HIVEP3: variants seen among roughly 807,000 people sequenced by gnomAD.
HIVEP3 encodes transcription factor HIVEP3.
HIVEP3 carries 49 observed loss-of-function variants against 152.8 expected under a neutral mutation model. The observed-to-expected ratio is 0.32, with a 90% CI of 0.26 to 0.41. The LOEUF (loss-of-function observed/expected upper bound fraction) is 0.41. Among genes scored for constraint, HIVEP3 ranks in the 10% least tolerant of loss-of-function variants. The probability of loss-of-function intolerance (pLI) is 1.00; values close to 1 mark genes in which losing one functional copy is unlikely to be tolerated. For missense variants in HIVEP3, 2,790 were observed against 3,103.3 expected, an observed-to-expected ratio of 0.90 and a Z score of 2.40; for synonymous variants, 1,269 against 1,289.0, an observed-to-expected ratio of 0.98 and a Z score of 0.33.
At chr1:41,993,481 A>G (rs1474670335) in intron 1 of HIVEP3, among the ~76,000 whole-genome samples, 2 of 151,930 alleles carry the variant, frequency 1.3e-5, no homozygotes, top group East Asian at 1.9e-4. Flanking sequence ...AATGGCAATC[A>G]TTAAAAAGTC....
At chr1:41,518,785 A>C (rs1642678974) in intron 6 of HIVEP3, among the ~76,000 whole-genome samples, 1 of 152,086 alleles carries the variant, frequency 6.6e-6, no homozygotes, top group African/African-American at 2.4e-5. Context: ...AACAAACAAA[A>C]AAGAAATTAA....
chr1:41,780,238 G>A (rs369907890), intron 1 of HIVEP3, among the ~76,000 whole-genome samples: 25 of 150,696 alleles, frequency 1.7e-4, no homozygotes, highest in African/African-American at 6.1e-4. Flanking sequence ...AGTGAGGGGA[G>A]AGCTGGGCCA....
intron 1 of HIVEP3, among the ~76,000 whole-genome samples, chr1:41,708,989 G>A (rs1280082831): frequency 6.6e-6 from 1 of 152,144 alleles, no homozygotes; most frequent in African/African-American, 2.4e-5. Context: ...TTAGAGTTAA[G>A]GGAAGCCTTT....
chr1:41,923,632 A>T (rs531364107), upstream of HIVEP3, among the ~76,000 whole-genome samples: 12 of 152,310 alleles, frequency 7.9e-5, no homozygotes, highest in African/African-American at 2.4e-4. Context: ...AAAATAGCTA[A>T]AAGAGAAGAT....
At chr1:41,546,997 G>A (rs953053788) in intron 5 of HIVEP3, among the ~76,000 whole-genome samples, 4 of 152,190 alleles carry the variant, frequency 2.6e-5, no homozygotes, top group South Asian at 2.1e-4. Context: ...AGTGCTCATC[G>A]GGAGTGGTGG....
chr1:41,897,953 G>C (rs1278588317), intron 1 of HIVEP3, among the ~76,000 whole-genome samples: 1 of 144,806 alleles, frequency 6.9e-6, no homozygotes, highest in East Asian at 2.0e-4. Context: ...GAGAGAGAGA[G>C]AGAGAGAGAG....
At chr1:41,602,826 C>T (rs10890143) in intron 3 of HIVEP3, among the ~76,000 whole-genome samples, 51,005 of 151,652 alleles carry the variant, frequency 0.34, 11,414 homozygotes, top group African/African-American at 0.6. Context: ...ATTTGAGATC[C>T]TTCTTCTATT....
upstream of HIVEP3, among the ~76,000 whole-genome samples, chr1:41,920,044 G>A (rs1012790087): frequency 3.9e-5 from 6 of 152,130 alleles, no homozygotes; most frequent in African/African-American, 1.4e-4. Flanking sequence ...CAGGCAAACC[G>A]TGAAAACAAG....
chr1:41,512,887 C>G lies in HIVEP3; in HGVS notation c.6334G>C (p.Val2112Leu). 6.4e-7 allele frequency: 1 copy of G among 1,566,906 alleles called. No homozygotes were observed. The highest frequency in any genetic ancestry group is 8.7e-7 in the Non-Finnish European group (1 of 1,154,610). The change falls in exon 8 of 9, where the codon GTT becomes CTT. Residue 2112 changes from valine (V) to leucine (L), a missense_variant. Physicochemically the swap from Val to Leu is conservative, Grantham distance 32. Transcript: ENST00000372583. Reference protein sequence around the residue: ...HGPGLGLDPRVLFPPAPLPHK... With the variant: ...HGPGLGLDPRLLFPPAPLPHK... ...GGTAGAGGCGCGGGCGGGAAGAGAACCCGTGGGTCCAGCCCCAAGCCTGGG... is the reference window on the plus strand; with the variant it reads ...GGTAGAGGCGCGGGCGGGAAGAGAAGCCGTGGGTCCAGCCCCAAGCCTGGG...
chr1:41,941,938 T>C (rs1372711897), intron 1 of HIVEP3, among the ~76,000 whole-genome samples: 1 of 152,186 alleles, frequency 6.6e-6, no homozygotes, highest in African/African-American at 2.4e-5. Context: ...TTGTCATTCT[T>C]TTCTCAAGTA....
At chr1:41,855,801 G>C (rs1643749691) in intron 1 of HIVEP3, among the ~76,000 whole-genome samples, 1 of 152,218 alleles carries the variant, frequency 6.6e-6, no homozygotes. Flanking sequence ...GGGTGAAGCT[G>C]CTGGTTTAGG....
chr1:41,860,286 A>G (rs1453079945), intron 1 of HIVEP3, among the ~76,000 whole-genome samples: 1 of 152,172 alleles, frequency 6.6e-6, no homozygotes, highest in Non-Finnish European at 1.5e-5. Flanking sequence ...CAAGATGGAA[A>G]ACCTTCGTGG....
rs1644899307 is a variant in HIVEP3, at chr1:41,918,049, G to C, written c.-801+364C>G. Among the ~76,000 whole-genome samples, 1 of 152,204 alleles carries C rather than the reference G, an allele frequency of 6.6e-6. No individual in the cohort carries two copies. Among genetic ancestry groups the C allele is most frequent in the Admixed American group, 6.5e-5 (1 of 15,282 alleles). ...CCGGCCGCCAGTGCGCGGGTGCAGA[G>C]CCCAGCAGAGCCTGCTGCAAGCAGC... On this transcript the variant is annotated intron_variant, in intron 1 of 8. Transcript: ENST00000372583. This position sits in a 1 kb window ranked among gnomAD's most constrained non-coding sequence, Gnocchi z 4.3.
Position 41,567,243 on chromosome 1 carries a change from C to CA in HIVEP3, c.5207+8300dup, listed in dbSNP as rs529948856. 3.5e-4 allele frequency among the ~76,000 whole-genome samples: 54 copies of CA among 152,330 alleles called. 1 individual carries two copies. Among genetic ancestry groups the CA allele is most frequent in the African/African-American group, 1.3e-3 (53 of 41,582 alleles). On this transcript the variant is annotated intron_variant, in intron 5 of 8. Transcript: ENST00000372583. ...CTTCTCTCTCAGCCTCCATAGTCAT[C>CA]AGAAGTCCTATAGCTCCTCTTTCCA...
upstream of HIVEP3, among the ~76,000 whole-genome samples, chr1:41,919,575 T>G (rs551007452): frequency 6.6e-6 from 1 of 152,346 alleles, no homozygotes; most frequent in South Asian, 2.1e-4. Context: ...TGAACCTTAG[T>G]TAGAGTCTTT....
intron 2 of HIVEP3, among the ~76,000 whole-genome samples, chr1:41,632,934 T>A (rs901491420): frequency 6.6e-6 from 1 of 151,770 alleles, no homozygotes; most frequent in African/African-American, 2.4e-5. Context: ...GGCCTGGATG[T>A]GGTGGTGCTG....
At chr1:41,593,480 T>C (rs932769555) in intron 3 of HIVEP3, among the ~76,000 whole-genome samples, 1 of 152,238 alleles carries the variant, frequency 6.6e-6, no homozygotes, top group African/African-American at 2.4e-5. Context: ...AAATGCTACA[T>C]AGAATATCTT....
chr1:41,928,138 A>G (rs962804916), intron 1 of HIVEP3, among the ~76,000 whole-genome samples: 4 of 151,878 alleles, frequency 2.6e-5, no homozygotes, highest in Non-Finnish European at 4.4e-5. Context: ...GTTAAATAAT[A>G]TCCCTAAAAA....
intron 1 of HIVEP3, among the ~76,000 whole-genome samples, chr1:42,005,726 T>C (rs1645455573): frequency 6.6e-6 from 1 of 152,250 alleles, no homozygotes; most frequent in African/African-American, 2.4e-5. Flanking sequence ...ATGCTGCTTG[T>C]AGAAATCTTT....
Sources: gnomAD v4.1 joint callset for allele counts (sites outside exome capture counted in the v4.1 genomes callset) on GRCh38, gnomAD v4.1.1 for gene constraint, Gnocchi (gnomAD v3.1) non-coding constraint, MANE v1.5 for transcripts, NCBI Gene and HGNC (gene_info 2026-07-23, HGNC 2026-07-21) for gene names.